Variants in DCC observed in about 807,000 individuals in gnomAD.
The protein encoded by DCC is DCC netrin 1 receptor.
In DCC, 58 loss-of-function variants were observed where a neutral mutation model predicts 172.5. That is an observed-to-expected ratio of 0.34 (90% CI 0.27 to 0.42). The LOEUF (loss-of-function observed/expected upper bound fraction) is 0.42, where lower values mean the gene tolerates loss of function less well. DCC is among the 10% of genes least tolerant of loss of function. The pLI is 1.00. For missense variants in DCC, 1,740 were observed against 1,791.0 expected (o/e 0.97, Z 0.51); for synonymous variants, 709 against 644.5 (o/e 1.10, Z -1.52).
intron 5 of DCC, among the ~76,000 whole-genome samples, chr18:53,025,071 CA>C (rs907747648): frequency 2.0e-5 from 3 of 151,952 alleles, no homozygotes; most frequent in African/African-American, 7.2e-5. Context: ...TTGAATTTCA[CA>C]AAAAGATGAA....
At chr18:52,770,941 T>A (rs1048469864) in intron 2 of DCC, among the ~76,000 whole-genome samples, 1 of 152,238 alleles carries the variant, frequency 6.6e-6, no homozygotes, top group Non-Finnish European at 1.5e-5. Flanking sequence ...TTTCTATACA[T>A]GGTTCCTCAC....
rs558249110 is a variant in DCC at position 52,685,878 on chromosome 18, A to G, written c.92-66176A>G. ...GAGATAAGATATGCACTTGGTCACT[A>G]CTAAAAAGTAGGAAGCACTGTATTA... On this transcript the variant is annotated intron_variant, in intron 1 of 28. Coordinates refer to ENST00000442544, the MANE Select transcript of DCC (RefSeq NM_005215.4). Among the ~76,000 whole-genome samples the G allele has an allele frequency of 8.6e-4, 131 of 152,264 alleles. No homozygotes were observed. In the South Asian group the frequency reaches 0.026, roughly 30 times the overall value.
Position 53,037,792 on chromosome 18 carries a change from C to T in DCC, c.986-25513C>T, listed in dbSNP as rs536337039. Among the ~76,000 whole-genome samples, 192 of 151,650 alleles carry T rather than the reference C, an allele frequency of 1.3e-3. 1 individual carries two copies. The highest frequency in any genetic ancestry group is 1.8e-3 in the Non-Finnish European group (123 of 67,936). On this transcript the variant is annotated intron_variant, in intron 5 of 28. Coordinates refer to ENST00000442544, the MANE Select transcript of DCC (RefSeq NM_005215.4). ...CGTGGAGGATGTCACTCAGCTGTCACGAGACTCACTTCTTCTGTAAAAGCA... is the reference window on the plus strand; with the variant it reads ...CGTGGAGGATGTCACTCAGCTGTCATGAGACTCACTTCTTCTGTAAAAGCA...
intron 13 of DCC, among the ~76,000 whole-genome samples, chr18:53,309,510 T>G (rs1219910287): frequency 6.6e-6 from 1 of 152,180 alleles, no homozygotes; most frequent in Admixed American, 6.5e-5. Flanking sequence ...CAAACTACTA[T>G]AGACTCCTTT....
At chr18:53,184,039 G>T (rs1467648205) in intron 9 of DCC, among the ~76,000 whole-genome samples, 1 of 151,038 alleles carries the variant, frequency 6.6e-6, no homozygotes, top group Non-Finnish European at 1.5e-5. Flanking sequence ...GATCCAACGG[G>T]ATCAAATAAG....
intron 1 of DCC, among the ~76,000 whole-genome samples, chr18:52,591,489 G>A (rs2033798406): frequency 6.6e-6 from 1 of 151,848 alleles, no homozygotes; most frequent in African/African-American, 2.4e-5. Flanking sequence ...TAAGTGTGAG[G>A]TCATTGTTTA....
At chr18:53,067,308 A>T (rs1019706886) in intron 7 of DCC, among the ~76,000 whole-genome samples, 1 of 152,008 alleles carries the variant, frequency 6.6e-6, no homozygotes. Flanking sequence ...ATGGCTTGAG[A>T]CCAGGAATTT....
intron 1 of DCC, among the ~76,000 whole-genome samples, chr18:52,459,942 T>G (rs552247786): frequency 4.6e-5 from 7 of 152,088 alleles, no homozygotes; most frequent in African/African-American, 1.7e-4. Context: ...CACCACATTT[T>G]CTTTATCTAG....
Position 53,428,119 on chromosome 18 carries a change from ATAATATATAATATAATATAATAATAT to A in DCC, c.3164-7024_3164-6999del, listed in dbSNP as rs1461760845. On this transcript the variant is annotated intron_variant, in intron 21 of 28. Coordinates refer to ENST00000442544, the MANE Select transcript of DCC (RefSeq NM_005215.4). The stretch of plus-strand genomic sequence containing the variant: ...AATATATAATATAATATAATAATAT[ATAATATATAATATAATATAATAATAT>A]ATAATATATAATATAATAATATATA... Among the ~76,000 whole-genome samples the A allele has an allele frequency of 1.2e-3, 49 of 40,630 alleles. 3 individuals carry two copies. The highest frequency in any genetic ancestry group is 6.6e-3 in the African/African-American group (49 of 7,432). 26.7% of individuals were successfully genotyped at this position (40,630 alleles called of 152,430 possible). A position where few individuals can be genotyped will look rare whatever the true frequency, so the allele number is the denominator to read the frequency against.
intron 5 of DCC, among the ~76,000 whole-genome samples, chr18:52,983,818 C>T (rs977553830): frequency 5.3e-5 from 8 of 152,050 alleles, no homozygotes; most frequent in East Asian, 1.9e-4. Flanking sequence ...AAATAGGGCA[C>T]GGTGCAGCAT....
In DCC at chr18:53,159,008, A is replaced by AAG. The variant is rs34406723; in HGVS notation, c.1418+1496_1418+1497insAG. On this transcript the variant is annotated intron_variant, in intron 8 of 28. Transcript: ENST00000442544. ...CATCTCAAAAAAAAAAAAAAAAAGA[A>AAG]GAAGATGTAGGCATACCCATATTGC... 2.5e-5 allele frequency among the ~76,000 whole-genome samples: 3 copies of AAG among 119,180 alleles called. No homozygotes were observed. The East Asian group carries it at 9.2e-4, about 36-fold the overall frequency. 78.2% of individuals were successfully genotyped at this position (119,180 alleles called of 152,430 possible).
rs368272125 is a variant in DCC at position 52,461,019 on chromosome 18, T to C, written c.91+120141T>C. 3.9e-5 allele frequency among the ~76,000 whole-genome samples: 6 copies of C among 152,262 alleles called. No homozygotes were observed. The East Asian group carries it at 5.8e-4, about 15-fold the overall frequency. On this transcript the variant is annotated intron_variant, in intron 1 of 28. Transcript: ENST00000442544. ...AGCTTACTGTAATTCTTTTGCTTTA[T>C]AAACTTTTAATTTTTTTAACTTTTT...
chr18:53,428,451 ATTT>A (rs1177036695), intron 21 of DCC, among the ~76,000 whole-genome samples: 2 of 33,680 alleles, frequency 5.9e-5, no homozygotes, highest in South Asian at 7.4e-4. Flanking sequence ...ATATTATATT[ATTT>A]TATATATATT....
intron 15 of DCC, among the ~76,000 whole-genome samples, chr18:53,384,566 A>G (rs1907998042): frequency 6.6e-6 from 1 of 151,548 alleles, no homozygotes; most frequent in African/African-American, 2.4e-5. Flanking sequence ...ACTTGTATTC[A>G]TCTAGTTACC....
chr18:53,107,254 A>G (rs950545498), intron 7 of DCC, among the ~76,000 whole-genome samples: 1 of 151,850 alleles, frequency 6.6e-6, no homozygotes, highest in Non-Finnish European at 1.5e-5. Context: ...TTGTGTCAAG[A>G]ACAGAAGGAA....
At chr18:53,369,407 A>G (rs925825932) in intron 15 of DCC, among the ~76,000 whole-genome samples, 2 of 151,916 alleles carry the variant, frequency 1.3e-5, no homozygotes, top group Non-Finnish European at 2.9e-5. Context: ...TTTTATATGC[A>G]TAAGACTTTA....
In DCC at chr18:53,102,530, A is replaced by G. The variant is rs188766958; in HGVS notation, c.1261+36364A>G. Among the ~76,000 whole-genome samples the G allele has an allele frequency of 5.9e-5, 9 of 152,208 alleles. No individual in the cohort carries two copies. In the East Asian group the frequency reaches 1.2e-3, roughly 20 times the overall value. On this transcript the variant is annotated intron_variant, in intron 7 of 28. Transcript: ENST00000442544. Reference sequence around the variant, plus strand: ...TTTGATGTATATGTATTTCCAGCCTAATATCCAAGCTGTATTGATGTGGGT... The same window carrying G: ...TTTGATGTATATGTATTTCCAGCCTGATATCCAAGCTGTATTGATGTGGGT...
intron 1 of DCC, among the ~76,000 whole-genome samples, chr18:52,437,640 A>G (rs1987839844): frequency 2.0e-5 from 3 of 152,158 alleles, no homozygotes; most frequent in African/African-American, 7.2e-5. Context: ...TTGTAAGAGG[A>G]AAGAAGAAAT....
chr18:53,388,367 A>C (rs1908313512), intron 16 of DCC, among the ~76,000 whole-genome samples: 1 of 152,242 alleles, frequency 6.6e-6, no homozygotes, highest in Non-Finnish European at 1.5e-5. Flanking sequence ...GGCATCCTCT[A>C]TCTCTAAGCT....
Sources: gnomAD v4.1 joint callset for allele counts (sites outside exome capture counted in the v4.1 genomes callset) on GRCh38, gnomAD v4.1.1 for gene constraint, MANE v1.5 for transcripts, NCBI Gene and HGNC (gene_info 2026-07-23, HGNC 2026-07-21) for gene names.